TMEM132C: variants seen among roughly 807,000 people sequenced by gnomAD.
The protein encoded by TMEM132C is protein phosphatase 1, regulatory subunit 152.
A neutral mutation model predicts 61.4 loss-of-function variants in TMEM132C; 29 were observed. The ratio of observed to expected loss-of-function variants is 0.47; its 90% CI spans 0.35 to 0.64. The LOEUF is 0.64. Ranked by LOEUF, TMEM132C falls within the 30% of genes least tolerant of loss-of-function variation. TMEM132C has a pLI of 0.00. For synonymous variants in TMEM132C, 656 were observed against 633.1 expected (o/e 1.04, Z -0.54); for missense variants, 1,408 against 1,476.9 (o/e 0.95, Z 0.76).
intron 3 of TMEM132C, among the ~76,000 whole-genome samples, chr12:128,602,478 C>T (rs374746024): frequency 6.6e-6 from 1 of 152,350 alleles, no homozygotes; most frequent in African/African-American, 2.4e-5. Flanking sequence ...AGGGCAAGCT[C>T]GTCATGGCAC....
At chr12:128,448,962 C>G (rs1241178174) in intron 2 of TMEM132C, among the ~76,000 whole-genome samples, 4 of 151,454 alleles carry the variant, frequency 2.6e-5, no homozygotes, top group African/African-American at 4.9e-5. Context: ...ACGGCGAAAC[C>G]CTGTCTCTAC....
In TMEM132C at chr12:128,373,717, G is replaced by A. The variant is rs545838794; in HGVS notation, c.86-41015G>A. Among the ~76,000 whole-genome samples the A allele has an allele frequency of 7.9e-5, 12 of 152,328 alleles. No individual in the cohort carries two copies. The East Asian group carries it at 2.3e-3, about 29-fold the overall frequency. On this transcript the variant is annotated intron_variant, in intron 1 of 8. Coordinates refer to ENST00000435159, the MANE Select transcript of TMEM132C (RefSeq NM_001136103.3). ...AGGATACGAAAGGATTCCTTTGGGGGATGGGGAAGGAGGTAGGAAGCACTC... is the reference window on the plus strand; with the variant it reads ...AGGATACGAAAGGATTCCTTTGGGGAATGGGGAAGGAGGTAGGAAGCACTC...
chr12:128,592,867 G>A (rs1423673491), intron 3 of TMEM132C, among the ~76,000 whole-genome samples: 3 of 152,176 alleles, frequency 2.0e-5, no homozygotes, highest in Admixed American at 6.5e-5. Context: ...AGGGTGAGCC[G>A]CTGCCTTTGG....
At chr12:128,424,585 T>G (rs922071988) in intron 2 of TMEM132C, among the ~76,000 whole-genome samples, 1 of 152,064 alleles carries the variant, frequency 6.6e-6, no homozygotes, top group Non-Finnish European at 1.5e-5. Context: ...AGGTGGCATG[T>G]GGGGAGTGAT....
chr12:128,414,708 T>G, intron 1 of TMEM132C, 24 bp from the exon 2 acceptor site: 1 of 1,492,460 alleles, frequency 6.7e-7, no homozygotes, highest in Non-Finnish European at 8.9e-7. Flanking sequence ...TGTCTTTTTC[T>G]TTTCTTTCTT....
chr12:128,699,796 G>A (rs1258680894), intron 8 of TMEM132C, among the ~76,000 whole-genome samples: 1 of 152,156 alleles, frequency 6.6e-6, no homozygotes, highest in Non-Finnish European at 1.5e-5. Context: ...GGCCATTCCA[G>A]GAATTCTGCC....
At chr12:128,559,013 C>T (rs1874420133) in intron 3 of TMEM132C, among the ~76,000 whole-genome samples, 1 of 152,110 alleles carries the variant, frequency 6.6e-6, no homozygotes, top group Admixed American at 6.6e-5. Flanking sequence ...CTTCTGCCTC[C>T]AGCCACCCAG....
Position 128,591,974 on chromosome 12 carries a change from C to T in TMEM132C, c.1122-24178C>T, listed in dbSNP as rs111380357. On this transcript the variant is annotated intron_variant, in intron 3 of 8. Transcript: ENST00000435159. The stretch of plus-strand genomic sequence containing the variant: ...GGCTGAGGCAGGAGAATCGCTTGAA[C>T]CCGAGAGGCGGATGTTGCAGTGAGC... Among the ~76,000 whole-genome samples, 590 of 151,560 alleles carry T rather than the reference C, an allele frequency of 3.9e-3. 7 individuals carry two copies. The highest frequency in any genetic ancestry group is 0.014 in the African/African-American group (560 of 41,222).
intron 2 of TMEM132C, among the ~76,000 whole-genome samples, chr12:128,506,738 C>T (rs1396949920): frequency 6.6e-6 from 1 of 152,188 alleles, no homozygotes; most frequent in Non-Finnish European, 1.5e-5. Flanking sequence ...CCTGTCCTCA[C>T]CACCAGATTC....
intron 4 of TMEM132C, among the ~76,000 whole-genome samples, chr12:128,636,264 G>T (rs1449601844): frequency 6.6e-6 from 1 of 152,060 alleles, no homozygotes; most frequent in Admixed American, 6.6e-5. Flanking sequence ...TGTTGCCCAG[G>T]CTGGTCTCAA....
chr12:128,458,475 C>T (rs1031693954), intron 2 of TMEM132C, among the ~76,000 whole-genome samples: 1 of 152,062 alleles, frequency 6.6e-6, no homozygotes, highest in African/African-American at 2.4e-5. Flanking sequence ...TGTGTAATCA[C>T]TTCGTGGTGC....
chr12:128,385,279 G>A (rs61938446), intron 1 of TMEM132C, among the ~76,000 whole-genome samples: 24 of 44,056 alleles, frequency 5.4e-4, no homozygotes, highest in South Asian at 1.6e-3. Flanking sequence ...GCAAATATTT[G>A]AGACATAATC....
chr12:128,430,900 C>T (rs1869360885), intron 2 of TMEM132C, among the ~76,000 whole-genome samples: 1 of 152,144 alleles, frequency 6.6e-6, no homozygotes, highest in Non-Finnish European at 1.5e-5. Flanking sequence ...CTCCCTATTC[C>T]CTAAGATGTA....
At chr12:128,581,734 C>A (rs142923830) in intron 3 of TMEM132C, among the ~76,000 whole-genome samples, 4 of 152,174 alleles carry the variant, frequency 2.6e-5, no homozygotes, top group Non-Finnish European at 4.4e-5. Context: ...TCAGGGCGAT[C>A]TAAGCAGTGC....
At chr12:128,563,033 GGACCCAGAAGCTCTT>G (rs1176851189) in intron 3 of TMEM132C, among the ~76,000 whole-genome samples, 1 of 152,188 alleles carries the variant, frequency 6.6e-6, no homozygotes, top group East Asian at 1.9e-4. Flanking sequence ...TTTAAGTGCA[GGACCCAGAAGCTCTT>G]GACCCAGAAG....
chr12:128,677,244 C>A (rs1460858085), intron 5 of TMEM132C, among the ~76,000 whole-genome samples: 1 of 152,166 alleles, frequency 6.6e-6, no homozygotes, highest in Non-Finnish European at 1.5e-5. Flanking sequence ...AATATCCAGT[C>A]CGTGTTTTTC....
chr12:128,319,734 G>A (rs377751510), intron 1 of TMEM132C, among the ~76,000 whole-genome samples: 28 of 152,010 alleles, frequency 1.8e-4, no homozygotes, highest in Middle Eastern at 3.4e-3. Context: ...GCTGAGGCAG[G>A]AGAATTGCTT....
At chr12:128,387,969 C>T (rs1207779720) in intron 1 of TMEM132C, among the ~76,000 whole-genome samples, 1 of 152,234 alleles carries the variant, frequency 6.6e-6, no homozygotes, top group African/African-American at 2.4e-5. Context: ...CTGTGCCCTT[C>T]CCCGCCCTCT....
In TMEM132C at chr12:128,591,537, T is replaced by C. The variant is rs140574685; in HGVS notation, c.1122-24615T>C. Among the ~76,000 whole-genome samples the C allele has an allele frequency of 5.1e-3, 772 of 152,324 alleles. 6 individuals are homozygous for C. The highest frequency in any genetic ancestry group is 0.013 in the South Asian group (64 of 4,826). On this transcript the variant is annotated intron_variant, in intron 3 of 8. Coordinates refer to ENST00000435159, the MANE Select transcript of TMEM132C (RefSeq NM_001136103.3). ...GTTTCTCCTCCTGGGCTTTTATGAA[T>C]AAATGCTGCTAGAAACATCCTTGTA...
Sources: gnomAD v4.1 joint callset for allele counts (sites outside exome capture counted in the v4.1 genomes callset) on GRCh38, gnomAD v4.1.1 for gene constraint, MANE v1.5 for transcripts, NCBI Gene and HGNC (gene_info 2026-07-23, HGNC 2026-07-21) for gene names.